Variants in USP48 observed in about 807,000 individuals in gnomAD.
USP48 encodes the protein ubiquitin carboxyl-terminal hydrolase 48.
A neutral mutation model predicts 150.7 loss-of-function variants in USP48; 43 were observed. The observed-to-expected ratio is 0.29, with a 90% CI of 0.22 to 0.37. USP48 has a LOEUF of 0.37. USP48 is among the 10% of genes least tolerant of loss of function. The pLI, the probability that USP48 is intolerant of heterozygous loss-of-function variation, is 1.00. For synonymous variants in USP48, 396 were observed against 425.9 expected (o/e 0.93, Z 0.86); for missense variants, 813 against 1,249.6 (o/e 0.65, Z 5.27).
intron 11 of USP48, among the ~76,000 whole-genome samples, chr1:21,725,914 G>A (rs755041258): frequency 2.0e-5 from 3 of 152,100 alleles, no homozygotes; most frequent in Admixed American, 6.6e-5. Flanking sequence ...TGGGTATCTG[G>A]GGAATGCAAA....
At chr1:21,745,654 T>C (rs2097792862) in intron 8 of USP48, among the ~76,000 whole-genome samples, 1 of 152,208 alleles carries the variant, frequency 6.6e-6, no homozygotes, top group Admixed American at 6.5e-5. Flanking sequence ...ACACGTCCTT[T>C]TGATAAATAT....
chr1:21,735,849 T>C (rs1171120481), intron 9 of USP48, among the ~76,000 whole-genome samples: 3 of 144,970 alleles, frequency 2.1e-5, no homozygotes, highest in East Asian at 4.0e-4. Flanking sequence ...AATCTCGCCA[T>C]TGCACTCCAG....
chr1:21,771,847 G>A (rs1390691331), intron 1 of USP48, among the ~76,000 whole-genome samples: 1 of 151,834 alleles, frequency 6.6e-6, no homozygotes, highest in African/African-American at 2.4e-5. Context: ...GAACCCAGGA[G>A]GTGGAAGTTG....
chr1:21,681,156 C>T (rs1558978214), intron 25 of USP48: 3 of 203,114 alleles, frequency 1.5e-5, no homozygotes, highest in Admixed American at 1.2e-4. Context: ...TGTCTCTCTC[C>T]CCTTCCTCCT....
At chr1:21,713,399 T>G (rs1309811404) in intron 15 of USP48, among the ~76,000 whole-genome samples, 1 of 152,202 alleles carries the variant, frequency 6.6e-6, no homozygotes, top group Non-Finnish European at 1.5e-5. Context: ...GTGAAGCCAC[T>G]GTGCCCGGCC....
At chr1:21,693,426 C>T (rs1430656173) in intron 23 of USP48, among the ~76,000 whole-genome samples, 1 of 152,164 alleles carries the variant, frequency 6.6e-6, no homozygotes, top group Non-Finnish European at 1.5e-5. Context: ...CTTCTACTGC[C>T]TTTTCTTTGA....
chr1:21,779,228 T>G (rs1440403715), intron 1 of USP48, among the ~76,000 whole-genome samples: 2 of 151,940 alleles, frequency 1.3e-5, no homozygotes, highest in Admixed American at 1.3e-4. Flanking sequence ...GAGTGAGACC[T>G]CATTAAAAAT....
intron 23 of USP48, 152 bp downstream of exon 23, chr1:21,694,914 A>T: frequency 1.1e-6 from 1 of 883,048 alleles, no homozygotes; most frequent in African/African-American, 1.8e-5. Flanking sequence ...ATTCACTTTC[A>T]TCTTCACAAA....
intron 2 of USP48, 47 bp from the exon 3 acceptor site, chr1:21,756,749 A>G (rs2097836830): frequency 6.2e-7 from 1 of 1,601,182 alleles, no homozygotes; most frequent in Non-Finnish European, 8.5e-7. Context: ...TTTCCTTTAA[A>G]CAACCAATTT....
At chr1:21,701,761 C>T (rs769361345) in intron 21 of USP48, among the ~76,000 whole-genome samples, 159 bp from the exon 22 acceptor site, 7 of 152,178 alleles carry the variant, frequency 4.6e-5, no homozygotes, top group East Asian at 1.9e-4. Context: ...CAAGCCTTCA[C>T]GGTTTTCTAT....
chr1:21,778,142 G>GA (rs369751633), intron 1 of USP48, among the ~76,000 whole-genome samples: 5,320 of 135,018 alleles, frequency 0.039, 136 homozygotes, highest in Middle Eastern at 0.074. Flanking sequence ...GACTCCGTCT[G>GA]AAAAAAAAAA....
intron 1 of USP48, among the ~76,000 whole-genome samples, chr1:21,771,288 C>T (rs1027558580): frequency 1.2e-4 from 18 of 151,698 alleles, no homozygotes; most frequent in Admixed American, 4.6e-4. Flanking sequence ...GCAGGAGAAT[C>T]GCCTGAACCC....
rs2097769328 is a variant in USP48, at chr1:21,736,612, C to T, written c.1005G>A (p.Val335=). The change falls in exon 9 of 27, where the codon GTG becomes GTA. Residue 335 remains valine, a synonymous_variant. Transcript: ENST00000308271. ...PYVEHKGGSY[V]YELSAVLIHR... The stretch of plus-strand genomic sequence containing the variant: ...GTATGAGGACTGCGCTGAGTTCATA[C>T]ACGTAGGACCCACCTGGAGAGAAAG... 1 of 1,440,680 alleles carries T rather than the reference C, an allele frequency of 6.9e-7. No individual in the cohort carries two copies. The highest frequency in any genetic ancestry group is 9.1e-7 in the Non-Finnish European group (1 of 1,096,610). The allele number at this position is 1,440,680 out of a possible 1,614,324, so 89.2% of individuals were successfully genotyped here. A position where few individuals can be genotyped will look rare whatever the true frequency, so the allele number is the denominator to read the frequency against.
At chr1:21,701,681 G>A (rs553417563) in intron 21 of USP48, 79 bp from the exon 22 acceptor site, 78 of 1,150,404 alleles carry the variant, frequency 6.8e-5, no homozygotes, top group East Asian at 1.7e-4. Context: ...GGCTGGGACC[G>A]GCAACCTTTA....
At chr1:21,708,376 T>C (rs2097679345) in intron 15 of USP48, among the ~76,000 whole-genome samples, 2 of 151,884 alleles carry the variant, frequency 1.3e-5, no homozygotes, top group Admixed American at 1.3e-4. Context: ...CAGGCACCTG[T>C]AATCTCAGCT....
intron 25 of USP48, among the ~76,000 whole-genome samples, chr1:21,685,431 C>G (rs780661041): frequency 6.6e-6 from 1 of 151,738 alleles, no homozygotes. Flanking sequence ...TCTCCTGCCT[C>G]AGCCTCCCTA....
chr1:21,782,399 C>G (rs2097916812), intron 1 of USP48, among the ~76,000 whole-genome samples: 1 of 152,124 alleles, frequency 6.6e-6, no homozygotes, highest in Non-Finnish European at 1.5e-5. Flanking sequence ...TTTTCTAAAG[C>G]TGCCCTCTAC....
At chr1:21,708,738 G>A (rs1376242603) in intron 15 of USP48, among the ~76,000 whole-genome samples, 1 of 150,452 alleles carries the variant, frequency 6.6e-6, no homozygotes, top group Non-Finnish European at 1.5e-5. Flanking sequence ...AAAACAAATT[G>A]GCCGGGAGTG....
rs368720845 is a variant in USP48, at chr1:21,706,514, T to A, written c.2164A>T (p.Asn722Tyr). 1 of 1,614,150 alleles carries A rather than the reference T, an allele frequency of 6.2e-7. No individual in the cohort carries two copies. The highest frequency in any genetic ancestry group is 8.5e-7 in the Non-Finnish European group (1 of 1,180,024). Residue 722 changes from asparagine to tyrosine, a missense_variant, in exon 17 of 27, where the codon AAT (asparagine) becomes TAT (tyrosine). Transcript: ENST00000308271. ...IANEQKTSLP[N>Y]LFQDKNRPCL... ...GGTCTGTTTTTATCCTGGAACAAAT[T>A]TGGGAGAGAAGTCTTTTGCTCGTTT...
Sources: gnomAD v4.1 joint callset for allele counts (sites outside exome capture counted in the v4.1 genomes callset) on GRCh38, gnomAD v4.1.1 for gene constraint, MANE v1.5 for transcripts, NCBI Gene and HGNC (gene_info 2026-07-23, HGNC 2026-07-21) for gene names.